REL: variants seen among roughly 807,000 people sequenced by gnomAD.
REL encodes REL proto-oncogene, NF-kB subunit.
Under a neutral mutation model 45.9 loss-of-function variants are expected in REL, and 15 were observed. That is an observed-to-expected ratio of 0.33 (90% CI 0.22 to 0.50). REL has a LOEUF of 0.50. REL is among the 20% of genes least tolerant of loss of function. The probability of loss-of-function intolerance (pLI) is 0.98; values close to 1 mark genes in which losing one functional copy is unlikely to be tolerated. For missense variants in REL, 601 were observed against 715.2 expected (o/e 0.84, Z 1.82); for synonymous variants, 239 against 242.1 (o/e 0.99, Z 0.12).
At chr2:60,888,481 A>G (rs1300437739) in intron 1 of REL, among the ~76,000 whole-genome samples, 2 of 152,234 alleles carry the variant, frequency 1.3e-5, no homozygotes, top group Non-Finnish European at 2.9e-5. Flanking sequence ...ATACTCCTAC[A>G]AGGATATATA....
Position 60,929,167 on chromosome 2 carries a change from G to A in REL, c.*6632G>A, listed in dbSNP as rs1305158524. 6.6e-6 allele frequency: 1 copy of A among 150,630 alleles called. No individual in the cohort carries two copies. The highest frequency in any genetic ancestry group is 1.5e-5 in the Non-Finnish European group (1 of 67,482). 9.3% of individuals were successfully genotyped at this position (150,630 alleles called of 1,614,324 possible). A position where few individuals can be genotyped will look rare whatever the true frequency, so the allele number is the denominator to read the frequency against. On this transcript the variant is annotated 3_prime_UTR_variant, in exon 10 of 10. Coordinates refer to ENST00000394479, the MANE Select transcript of REL (RefSeq NM_001291746.2). Reference sequence around the variant, plus strand: ...AATGGCAATCATTAAAAAGTCAGGAGACAACAGGTGCTGGAGAGGATGTGG... The same window carrying A: ...AATGGCAATCATTAAAAAGTCAGGAAACAACAGGTGCTGGAGAGGATGTGG...
chr2:60,918,135 GA>G, intron 5 of REL, 55 bp from the exon 6 acceptor site: 4 of 1,058,058 alleles, frequency 3.8e-6, no homozygotes, highest in Non-Finnish European at 5.6e-6. Flanking sequence ...CCTGCAAAAA[GA>G]AATAAAATAT....
At chr2:60,908,091 T>G (rs777802470) in intron 4 of REL, among the ~76,000 whole-genome samples, 2 of 152,180 alleles carry the variant, frequency 1.3e-5, no homozygotes, top group African/African-American at 4.8e-5. Flanking sequence ...AACATCTTCC[T>G]AATTATACGG....
intron 9 of REL, 98 bp from the exon 10 acceptor site, chr2:60,921,665 C>A: frequency 9.7e-7 from 1 of 1,028,612 alleles, no homozygotes; most frequent in Non-Finnish European, 1.4e-6. Flanking sequence ...TGACATTTTT[C>A]TTTATATATA....
rs1009554610 is a variant in REL, at chr2:60,919,752, G to T, written c.854-289G>T. ...TTTTTCTGTTTTTTTATGGAGACAG[G>T]GTTTTGTCATGTTGCTTAGGTTGGC... On this transcript the variant is annotated intron_variant, in intron 7 of 9. Transcript: ENST00000394479. Among the ~76,000 whole-genome samples, 4 of 151,976 alleles carry T rather than the reference G, an allele frequency of 2.6e-5. No homozygotes were observed. The South Asian group carries it at 6.2e-4, about 24-fold the overall frequency.
At chr2:60,917,294 TAAAATC>T (rs1174722441) in intron 5 of REL, among the ~76,000 whole-genome samples, 1 of 152,194 alleles carries the variant, frequency 6.6e-6, no homozygotes, top group Non-Finnish European at 1.5e-5. Flanking sequence ...TTTGGCAACT[TAAAATC>T]ATAAGTGATG....
chr2:60,920,602 T>G lies in REL; in HGVS notation c.951T>G (p.Gly317=), dbSNP rs1444922329. The G allele has an allele frequency of 1.2e-6, 2 of 1,604,884 alleles. No individual in the cohort carries two copies. The highest frequency in any genetic ancestry group is 1.7e-6 in the Non-Finnish European group (2 of 1,173,496). Residue 317 remains glycine (G), a synonymous_variant, in exon 9 of 10, where the codon GGT becomes GGG. Transcript: ENST00000394479. The stretch of plus-strand genomic sequence containing the variant: ...ATTTTCCTGAGAGACCAAGACCTGG[T>G]CTCCTCGGTTCAATTGGAGAAGGAA... ...HVNFPERPRP[G]LLGSIGEGRY...
intron 3 of REL, among the ~76,000 whole-genome samples, chr2:60,895,657 A>G (rs184896136): frequency 3.9e-5 from 6 of 152,242 alleles, no homozygotes; most frequent in African/African-American, 1.2e-4. Flanking sequence ...CCCATTCATC[A>G]TGTTAGAATG....
chr2:60,882,703 T>C (rs576767279), intron 1 of REL, among the ~76,000 whole-genome samples: 50 of 152,034 alleles, frequency 3.3e-4, no homozygotes, highest in Non-Finnish European at 6.2e-4. Flanking sequence ...ATGTAGTTTT[T>C]ACTGTGAGAT....
Position 60,894,528 on chromosome 2 carries a change from A to G in REL, c.285A>G (p.Gln95=). 6.2e-7 allele frequency: 1 copy of G among 1,603,640 alleles called. No individual in the cohort carries two copies. Among genetic ancestry groups the G allele is most frequent in the South Asian group, 1.1e-5 (1 of 89,294 alleles). The change falls in exon 3 of 10, where the codon CAA becomes CAG. Residue 95 remains glutamine (Q), a synonymous_variant. Coordinates refer to ENST00000394479, the MANE Select transcript of REL (RefSeq NM_001291746.2). ...RDGYYEAEFG[Q]ERRPLFFQNL... is the part of the protein sequence containing the mutation. ...GCTACTATGAAGCAGAATTTGGACA[A>G]GAACGCAGACCTTTGTTGTAAGTAC...
intron 3 of REL, 54 bp downstream of exon 3, chr2:60,894,599 T>G (rs1374170291): frequency 8.2e-6 from 11 of 1,339,412 alleles, no homozygotes; most frequent in Non-Finnish European, 1.1e-5. Flanking sequence ...TAGGATGTTC[T>G]GTTTCTTCTC....
In REL at chr2:60,891,687, G is replaced by C. The variant is rs139585157; in HGVS notation, c.15G>C (p.Ala5=). Residue 5 remains alanine, a synonymous_variant, in exon 2 of 10, where the codon GCG becomes GCC. Transcript: ENST00000394479. ...TCCTTTTTAAAAACTTTTCAGGTGC[G>C]TATAACCCGTATATAGAGATAATTG... The part of the protein sequence containing the change: MASG[A]YNPYIEIIEQ... The C allele has an allele frequency of 7.5e-6, 12 of 1,609,164 alleles. No individual in the cohort carries two copies. The South Asian group carries it at 1.2e-4, about 16-fold the overall frequency.
At position 60,928,154 on chromosome 2, in the gene REL, CA is replaced by C. The variant is rs549824510; in HGVS notation, c.*5636del. Reference sequence around the variant, plus strand: ...GTAATATAAGGAAAACCTGTCTCTGCAAAAAAAAAAAAAAAAAGAGGATACA... The same window carrying C: ...GTAATATAAGGAAAACCTGTCTCTGCAAAAAAAAAAAAAAAAGAGGATACA... On this transcript the variant is annotated 3_prime_UTR_variant, in exon 10 of 10. Transcript: ENST00000394479. 16,102 of 83,036 alleles carry C rather than the reference CA, an allele frequency of 0.19. 605 individuals carry two copies. The highest frequency in any genetic ancestry group is 0.27 in the Middle Eastern group (57 of 208). The allele number at this position is 83,036 out of a possible 1,614,324, so 5.1% of individuals were successfully genotyped here. A position where few individuals can be genotyped will look rare whatever the true frequency, so the allele number is the denominator to read the frequency against.
intron 4 of REL, among the ~76,000 whole-genome samples, chr2:60,903,057 A>G (rs528781162): frequency 3.3e-5 from 5 of 152,348 alleles, no homozygotes; most frequent in East Asian, 1.9e-4. Flanking sequence ...TTCATTGCCA[A>G]ATTAATAGGC....
At chr2:60,920,708 A>C (rs1245108429) in intron 9 of REL, 66 bp downstream of exon 9, 2 of 988,012 alleles carry the variant, frequency 2.0e-6, no homozygotes, top group Non-Finnish European at 3.1e-6. Flanking sequence ...AATATATTGG[A>C]ATTCTATTTT....
intron 3 of REL, chr2:60,900,145 T>A (rs1309824534): frequency 6.6e-6 from 1 of 152,206 alleles, no homozygotes; most frequent in Non-Finnish European, 1.5e-5. Context: ...GCCAACCTAG[T>A]ATTGCCAGGT....
rs1308091507 is a variant in REL, at chr2:60,919,934, ATATT to A, written c.854-102_854-99del. On this transcript the variant is annotated intron_variant, in intron 7 of 9. Transcript: ENST00000394479. The stretch of plus-strand genomic sequence containing the variant: ...TACTTATTAAATCCAACTTACATAC[ATATT>A]TATTGAAAACATTTTCTATATGTGA... 12 of 683,582 alleles carry A rather than the reference ATATT, an allele frequency of 1.8e-5. No homozygotes were observed. In the East Asian group the frequency reaches 3.3e-4, roughly 19 times the overall value. 42.3% of individuals were successfully genotyped at this position (683,582 alleles called of 1,614,324 possible).
intron 3 of REL, 124 bp from the exon 4 acceptor site, chr2:60,900,868 A>G (rs1214670748): frequency 1.3e-6 from 1 of 795,182 alleles, no homozygotes; most frequent in Non-Finnish European, 2.0e-6. Context: ...AGCAATTGGA[A>G]GCACGTTCAT....
intron 1 of REL, among the ~76,000 whole-genome samples, chr2:60,890,531 G>T (rs1344446692): frequency 6.6e-6 from 1 of 152,076 alleles, no homozygotes; most frequent in Non-Finnish European, 1.5e-5. Flanking sequence ...GTGATTAAGG[G>T]ACACATTATT....
Sources: allele counts gnomAD v4.1 joint callset (sites outside exome capture counted in the v4.1 genomes callset), GRCh38; gene constraint gnomAD v4.1.1; transcripts MANE v1.5; gene names NCBI Gene and HGNC (gene_info 2026-07-23, HGNC 2026-07-21).